The following CRIM1 variants were observed in gnomAD, a reference collection of about 807,000 sequenced individuals.
The protein encoded by CRIM1 is cysteine-rich motor neuron 1 protein.
CRIM1 carries 32 observed loss-of-function variants against 116.4 expected under a neutral mutation model. That is an observed-to-expected ratio of 0.27 (90% CI 0.21 to 0.37). The LOEUF (loss-of-function observed/expected upper bound fraction) is 0.37, where lower values mean the gene tolerates loss of function less well. Ranked by LOEUF, CRIM1 falls within the 10% of genes least tolerant of loss-of-function variation. CRIM1 has a pLI of 1.00. For missense variants in CRIM1, 1,331 were observed against 1,354.8 expected (o/e 0.98, Z 0.28); for synonymous variants, 590 against 509.2 (o/e 1.16, Z -2.13).
chr2:36,437,589 A>T lies in CRIM1; in HGVS notation c.506-3669A>T, dbSNP rs527569663. 4.6e-5 allele frequency among the ~76,000 whole-genome samples: 7 copies of T among 152,370 alleles called. No individual in the cohort carries two copies. The East Asian group carries it at 1.3e-3, about 29-fold the overall frequency. ...CGATTATATTAATAAAGAGAAAGCC[A>T]GTGTGATTGATCATCTTGAAAAGTT... On this transcript the variant is annotated intron_variant, in intron 2 of 16. Coordinates refer to ENST00000280527, the MANE Select transcript of CRIM1 (RefSeq NM_016441.3).
intron 4 of CRIM1, among the ~76,000 whole-genome samples, chr2:36,460,708 T>C (rs1369640126): frequency 6.6e-6 from 1 of 152,256 alleles, no homozygotes; most frequent in East Asian, 1.9e-4. Context: ...CTGTTATTCC[T>C]GTCTTGTTCC....
intron 4 of CRIM1, among the ~76,000 whole-genome samples, chr2:36,444,192 T>C (rs898564189): frequency 6.6e-5 from 10 of 152,222 alleles, no homozygotes; most frequent in African/African-American, 1.9e-4. Context: ...CAGTTCACTA[T>C]TATAAATGCC....
chr2:36,371,883 G>A (rs767854391), intron 1 of CRIM1, among the ~76,000 whole-genome samples: 36 of 152,078 alleles, frequency 2.4e-4, no homozygotes, highest in African/African-American at 3.4e-4. Flanking sequence ...CTGATAAATC[G>A]GTTATAAATT....
intron 2 of CRIM1, among the ~76,000 whole-genome samples, chr2:36,436,140 T>C (rs896900808): frequency 6.6e-6 from 1 of 151,978 alleles, no homozygotes; most frequent in East Asian, 1.9e-4. Flanking sequence ...GGAAAAAACA[T>C]AGAATAGAGA....
At chr2:36,396,138 G>A (rs939883326) in intron 1 of CRIM1, among the ~76,000 whole-genome samples, 3 of 152,026 alleles carry the variant, frequency 2.0e-5, no homozygotes, top group Non-Finnish European at 2.9e-5. Flanking sequence ...ATGAACTCCT[G>A]GGCTCAAGTA....
intron 13 of CRIM1, among the ~76,000 whole-genome samples, chr2:36,528,883 A>G (rs371254616): frequency 6.6e-5 from 10 of 152,352 alleles, no homozygotes; most frequent in African/African-American, 2.4e-4. Context: ...GTCTTACCCT[A>G]TGCCCTAGGA....
chr2:36,362,929 G>C (rs1388673231), intron 1 of CRIM1, among the ~76,000 whole-genome samples: 1 of 152,116 alleles, frequency 6.6e-6, no homozygotes, highest in Non-Finnish European at 1.5e-5. Flanking sequence ...CGGCCGTGGT[G>C]TCTCATGCCT....
At chr2:36,506,521 C>T (rs1681436821) in intron 8 of CRIM1, among the ~76,000 whole-genome samples, 1 of 152,030 alleles carries the variant, frequency 6.6e-6, no homozygotes, top group Non-Finnish European at 1.5e-5. Flanking sequence ...ATGAATGGCG[C>T]CCCCGACAGC....
rs979662684 is a variant in CRIM1, at chr2:36,521,957, C to G, written c.2207-135C>G. 2.8e-5 allele frequency: 19 copies of G among 675,636 alleles called. No individual in the cohort carries two copies. The Admixed American group carries it at 3.3e-4, about 12-fold the overall frequency. 41.9% of individuals were successfully genotyped at this position (675,636 alleles called of 1,614,324 possible). ...TAAGACCCTTCCCGAATCATACTTT[C>G]TGATTTGTTACTGCGTCATGTATTT... On this transcript the variant is annotated intron_variant, in intron 12 of 16. Transcript: ENST00000280527.
At chr2:36,534,118 G>T (rs1468632546) in intron 13 of CRIM1, among the ~76,000 whole-genome samples, 1 of 134,808 alleles carries the variant, frequency 7.4e-6, no homozygotes, top group Non-Finnish European at 1.6e-5. Flanking sequence ...AGGGAAGGAG[G>T]GGAAAGGAGG....
intron 13 of CRIM1, chr2:36,529,608 C>T (rs78363528): frequency 0.011 from 1,912 of 166,626 alleles, 46 homozygotes; most frequent in African/African-American, 0.044. Context: ...ATGTTTCCTT[C>T]AACAACTATC....
intron 5 of CRIM1, 84 bp from the exon 6 acceptor site, chr2:36,476,805 T>C (rs1421758936): frequency 3.5e-6 from 4 of 1,152,768 alleles, no homozygotes; most frequent in Non-Finnish European, 5.0e-6. Context: ...TATTAGAAAT[T>C]TTCTAGAGGC....
intron 13 of CRIM1, among the ~76,000 whole-genome samples, chr2:36,533,425 C>CAAAAAAAA (rs35978594): frequency 3.0e-5 from 3 of 99,384 alleles, no homozygotes; most frequent in African/African-American, 1.1e-4. Context: ...CCCATCTCCA[C>CAAAAAAAA]AAAAAAAAAA....
At chr2:36,461,264 C>T (rs1558328411) in intron 4 of CRIM1, among the ~76,000 whole-genome samples, 1 of 152,128 alleles carries the variant, frequency 6.6e-6, no homozygotes, top group Non-Finnish European at 1.5e-5. Flanking sequence ...GTGTTGAAAT[C>T]AGCTCACTGC....
intron 2 of CRIM1, among the ~76,000 whole-genome samples, chr2:36,422,330 T>C (rs1328271708): frequency 6.6e-6 from 1 of 152,142 alleles, no homozygotes; most frequent in African/African-American, 2.4e-5. Flanking sequence ...TAGTACTATA[T>C]ATGTGGGGAT....
chr2:36,418,372 T>G (rs941301094), intron 2 of CRIM1, among the ~76,000 whole-genome samples: 1 of 152,180 alleles, frequency 6.6e-6, no homozygotes, highest in South Asian at 2.1e-4. Flanking sequence ...GGTGCAATTA[T>G]GGTTCACTGC....
In CRIM1 at chr2:36,474,847, C is replaced by CAAAAAAAAAA. The variant is rs56084308; in HGVS notation, c.992-2032_992-2023dup. 1.5e-3 allele frequency among the ~76,000 whole-genome samples: 133 copies of CAAAAAAAAAA among 90,726 alleles called. 5 individuals are homozygous for CAAAAAAAAAA. The highest frequency in any genetic ancestry group is 4.3e-3 in the African/African-American group (98 of 22,624). 59.5% of individuals were successfully genotyped at this position (90,726 alleles called of 152,430 possible). The stretch of plus-strand genomic sequence containing the variant: ...TGGGTGACAGAGTGAGACTCTATAT[C>CAAAAAAAAAA]AAAAAAAAAAAAAAAAAAAGACTTT... On this transcript the variant is annotated intron_variant, in intron 5 of 16. Transcript: ENST00000280527.
rs893089298 is a variant in CRIM1, at chr2:36,411,564, A to G, written c.505+14777A>G. Among the ~76,000 whole-genome samples the G allele has an allele frequency of 1.6e-4, 24 of 152,348 alleles. 1 individual carries two copies. The highest frequency in any genetic ancestry group is 3.9e-4 in the Admixed American group (6 of 15,302). On this transcript the variant is annotated intron_variant, in intron 2 of 16. Transcript: ENST00000280527. ...ATGTCCCATGTGCATGTATGAATTT[A>G]TATAGCTACATGTATATAAGCACAT...
At chr2:36,493,306 C>T (rs1450301089) in intron 7 of CRIM1, among the ~76,000 whole-genome samples, 2 of 151,948 alleles carry the variant, frequency 1.3e-5, no homozygotes, top group East Asian at 1.9e-4. Context: ...AGAAATTTGC[C>T]TACAAAGAGG....
Sources: gnomAD v4.1 joint callset for allele counts (sites outside exome capture counted in the v4.1 genomes callset) on GRCh38, gnomAD v4.1.1 for gene constraint, MANE v1.5 for transcripts, NCBI Gene and HGNC (gene_info 2026-07-23, HGNC 2026-07-21) for gene names.